Variants in XIRP2 observed in about 807,000 individuals in gnomAD.
XIRP2 encodes the protein xin actin-binding repeat-containing protein 2.
XIRP2 carries 236 observed loss-of-function variants against 277.0 expected under a neutral mutation model. The observed-to-expected ratio is 0.85, with a 90% CI of 0.77 to 0.95. The LOEUF (loss-of-function observed/expected upper bound fraction) is 0.95. XIRP2 is among the 40% of genes least tolerant of loss of function. The pLI is 0.00. For synonymous variants in XIRP2, 1,490 were observed against 1,416.5 expected (o/e 1.05, Z -1.17); for missense variants, 4,640 against 4,157.5 (o/e 1.12, Z -3.19).
intron 2 of XIRP2, among the ~76,000 whole-genome samples, chr2:167,130,733 G>A (rs1034754283): frequency 4.6e-5 from 7 of 151,280 alleles, no homozygotes; most frequent in Admixed American, 1.3e-4. Context: ...TCTTGGTGGC[G>A]ACCTAAATTT....
chr2:167,169,476 A>G (rs112363207), intron 3 of XIRP2, among the ~76,000 whole-genome samples: 37 of 152,226 alleles, frequency 2.4e-4, no homozygotes, highest in African/African-American at 8.2e-4. Flanking sequence ...TGCACTGGTA[A>G]GTTTTGGTTC....
At chr2:167,173,930 A>G (rs1329886892) in intron 3 of XIRP2, among the ~76,000 whole-genome samples, 1 of 152,146 alleles carries the variant, frequency 6.6e-6, no homozygotes, top group Non-Finnish European at 1.5e-5. Flanking sequence ...TGTCAACCAT[A>G]TGTTGAACTG....
chr2:167,099,235 C>A (rs1342681793), intron 2 of XIRP2, among the ~76,000 whole-genome samples: 1 of 152,122 alleles, frequency 6.6e-6, no homozygotes, highest in Non-Finnish European at 1.5e-5. Context: ...GGCAGTCTGG[C>A]TACAGTAGCT....
chr2:167,124,362 C>T (rs1449278578), intron 2 of XIRP2: 2 of 152,148 alleles, frequency 1.3e-5, no homozygotes, highest in African/African-American at 2.4e-5. Context: ...TGTTTTTCCT[C>T]CTCTCCCCAG....
intron 2 of XIRP2, among the ~76,000 whole-genome samples, chr2:167,026,807 T>G (rs1688174984): frequency 1.3e-5 from 2 of 152,170 alleles, no homozygotes; most frequent in African/African-American, 4.8e-5. Context: ...GGTTGAATAT[T>G]CTTTTCTTTA....
intron 2 of XIRP2, among the ~76,000 whole-genome samples, chr2:167,091,575 T>C (rs1029806755): frequency 3.3e-5 from 5 of 152,096 alleles, no homozygotes; most frequent in African/African-American, 1.2e-4. Flanking sequence ...ATTAGCCTTT[T>C]CTTCTTATTT....
At position 167,151,128 on chromosome 2, in the gene XIRP2, T is replaced by C. The variant is rs556881673; in HGVS notation, c.562+15066T>C. ...TTCTACAGGTTTGCAAAGGAATTAA[T>C]TCAATGTTTGTTCATATTGCTACTA... On this transcript the variant is annotated intron_variant, in intron 3 of 10. Coordinates refer to ENST00000409195, the MANE Select transcript of XIRP2 (RefSeq NM_152381.6). Among the ~76,000 whole-genome samples, 22 of 152,242 alleles carry C rather than the reference T, an allele frequency of 1.4e-4. No homozygotes were observed. In the South Asian group the frequency reaches 4.3e-3, roughly 30 times the overall value.
chr2:167,251,286 G>A lies in XIRP2; in HGVS notation c.9894G>A (p.Lys3298=). The A allele has an allele frequency of 6.2e-7, 1 of 1,613,548 alleles. No homozygotes were observed. Among genetic ancestry groups the A allele is most frequent in the Non-Finnish European group, 8.5e-7 (1 of 1,179,666 alleles). The change falls in exon 9 of 11, where the codon AAG becomes AAA. Residue 3298 remains lysine, a synonymous_variant. Coordinates refer to ENST00000409195, the MANE Select transcript of XIRP2 (RefSeq NM_152381.6). ...ESYDAVEIIR[K]VAVPPRLSEH... is the part of the protein sequence containing the mutation. ...ATGATGCAGTTGAAATCATCCGCAAGGTTGCAGTGCCTCCTCGCCTGTCAG... is the reference window on the plus strand; with the variant it reads ...ATGATGCAGTTGAAATCATCCGCAAAGTTGCAGTGCCTCCTCGCCTGTCAG...
intron 2 of XIRP2, among the ~76,000 whole-genome samples, chr2:166,925,695 T>A (rs1685170973): frequency 1.3e-5 from 2 of 150,556 alleles, no homozygotes; most frequent in Non-Finnish European, 3.0e-5. Context: ...TATCACAATT[T>A]ATCTTAGTGT....
chr2:167,258,259 A>G lies in XIRP2; in HGVS notation c.*442A>G, dbSNP rs768313665. On this transcript the variant is annotated 3_prime_UTR_variant, in exon 11 of 11. Transcript: ENST00000409195. ...GGCCACCTGAAATGACAACCCTGCT[A>G]TCCCCTGAATTTAAAAGTGAATCTC... The G allele has an allele frequency of 3.7e-6, 6 of 1,613,262 alleles. No individual in the cohort carries two copies. Among genetic ancestry groups the G allele is most frequent in the African/African-American group, 2.7e-5 (2 of 74,848 alleles).
intron 2 of XIRP2, among the ~76,000 whole-genome samples, chr2:167,099,658 T>C (rs1690434937): frequency 6.6e-6 from 1 of 152,198 alleles, no homozygotes; most frequent in Non-Finnish European, 1.5e-5. Flanking sequence ...GGGAATCTCC[T>C]GGTCTGTGGG....
At chr2:166,895,366 A>G (rs1684215583) in intron 1 of XIRP2, among the ~76,000 whole-genome samples, 1 of 152,126 alleles carries the variant, frequency 6.6e-6, no homozygotes, top group Non-Finnish European at 1.5e-5. Flanking sequence ...CTCAGTCTCA[A>G]TAACTCCACA....
At chr2:167,171,026 G>A (rs4319910) in intron 3 of XIRP2, among the ~76,000 whole-genome samples, 14,912 of 150,176 alleles carry the variant, frequency 0.099, 792 homozygotes, top group South Asian at 0.15. Flanking sequence ...CAGCCTCCTG[G>A]GTAGCTGGGA....
chr2:166,970,317 T>G (rs1686547506), intron 2 of XIRP2, among the ~76,000 whole-genome samples: 1 of 152,062 alleles, frequency 6.6e-6, no homozygotes, highest in Non-Finnish European at 1.5e-5. Context: ...TATTCTTCCT[T>G]CTTGCCTAAG....
intron 2 of XIRP2, among the ~76,000 whole-genome samples, chr2:166,977,751 T>G (rs1686753871): frequency 6.6e-6 from 1 of 152,056 alleles, no homozygotes; most frequent in African/African-American, 2.4e-5. Flanking sequence ...AACCTTGCTG[T>G]TTTTCCAGCT....
At chr2:167,230,212 G>C (rs1052413643) in intron 5 of XIRP2, among the ~76,000 whole-genome samples, 1 of 152,086 alleles carries the variant, frequency 6.6e-6, no homozygotes, top group Non-Finnish European at 1.5e-5. Context: ...GCAATTCAAC[G>C]TATAGCAGTG....
At position 167,258,308 on chromosome 2, in the gene XIRP2, G is replaced by T. The variant is rs186117889; in HGVS notation, c.*491G>T. The T allele has an allele frequency of 6.2e-7, 1 of 1,613,298 alleles. No individual in the cohort carries two copies. Among genetic ancestry groups the T allele is most frequent in the East Asian group, 2.2e-5 (1 of 44,822 alleles). On this transcript the variant is annotated 3_prime_UTR_variant, in exon 11 of 11. Transcript: ENST00000409195. Reference sequence around the variant, plus strand: ...TCTGCTAGAAGATGTTAGAACTCCAGAAAATAAAGGACAAAGACAAGATCA... The same window carrying T: ...TCTGCTAGAAGATGTTAGAACTCCATAAAATAAAGGACAAAGACAAGATCA...
At chr2:166,921,493 G>A (rs137872464) in intron 2 of XIRP2, among the ~76,000 whole-genome samples, 28 of 152,038 alleles carry the variant, frequency 1.8e-4, no homozygotes, top group African/African-American at 5.8e-4. Flanking sequence ...TACATACATC[G>A]CTCCATCATA....
intron 2 of XIRP2, among the ~76,000 whole-genome samples, chr2:167,090,384 G>A (rs1690105596): frequency 6.6e-6 from 1 of 151,952 alleles, no homozygotes; most frequent in Non-Finnish European, 1.5e-5. Context: ...ATTGCTTTCT[G>A]CATCTCCAAA....
Sources: gnomAD v4.1 joint callset for allele counts (sites outside exome capture counted in the v4.1 genomes callset) on GRCh38, gnomAD v4.1.1 for gene constraint, MANE v1.5 for transcripts, NCBI Gene and HGNC (gene_info 2026-07-23, HGNC 2026-07-21) for gene names.